RETSAT: variants seen among roughly 807,000 people sequenced by gnomAD.
RETSAT encodes retinol saturase, also known as all-trans-retinol 13,14-reductase.
Under a neutral mutation model 61.6 loss-of-function variants are expected in RETSAT, and 35 were observed. The ratio of observed to expected loss-of-function variants is 0.57; its 90% confidence interval spans 0.43 to 0.75. The LOEUF is 0.75. RETSAT is among the 30% of genes least tolerant of loss of function. The probability of loss-of-function intolerance (pLI) is 0.00; values close to 1 mark genes in which losing one functional copy is unlikely to be tolerated. For synonymous variants in RETSAT, 277 were observed against 310.4 expected (o/e 0.89, Z 1.13); for missense variants, 670 against 759.5 (o/e 0.88, Z 1.38).
intron 5 of RETSAT, among the ~76,000 whole-genome samples, chr2:85,348,630 CAAAAAAAAA>C (rs11400450): frequency 0.11 from 4,830 of 43,968 alleles, 248 homozygotes; most frequent in African/African-American, 0.25. Context: ...GACTCCAACT[CAAAAAAAAA>C]AAAAAAAAAA....
chr2:85,346,511 T>A (rs1683205677), intron 5 of RETSAT, among the ~76,000 whole-genome samples: 1 of 152,136 alleles, frequency 6.6e-6, no homozygotes, highest in South Asian at 2.1e-4. Flanking sequence ...CCCAGCGCTT[T>A]GGGAGTCTGA....
chr2:85,343,244 A>C lies in RETSAT; in HGVS notation c.1831T>G (p.Ter611GluextTer22), dbSNP rs1683117757. The C allele has an allele frequency of 6.2e-7, 1 of 1,613,918 alleles. No individual in the cohort carries two copies. The highest frequency in any genetic ancestry group is 1.3e-5 in the African/African-American group (1 of 74,952). The change falls in exon 11 of 11, where the codon TAG becomes GAG. Residue 611 changes from the stop codon to glutamate (E), a stop_lost. Coordinates refer to ENST00000295802, the MANE Select transcript of RETSAT (RefSeq NM_017750.4). ...SRIRAQKKKN[*>E] ...CCTCTGACTCCTCCCTGATGGAACT[A>C]ATTCTTTTTCTTCTGTGCCCGGATC...
intron 5 of RETSAT, among the ~76,000 whole-genome samples, chr2:85,347,136 G>A (rs1683215027): frequency 6.6e-6 from 1 of 151,926 alleles, no homozygotes; most frequent in African/African-American, 2.4e-5. Context: ...TTATTACTCA[G>A]CTCCAACACC....
intron 4 of RETSAT, 110 bp from the exon 5 acceptor site, chr2:85,349,691 C>T (rs1274864454): frequency 1.0e-6 from 1 of 954,218 alleles, no homozygotes; most frequent in Non-Finnish European, 1.6e-6. Context: ...TCCGAGGAAC[C>T]ACATGTTCCT....
chr2:85,351,550 G>T, intron 2 of RETSAT, 130 bp downstream of exon 2: 1 of 954,456 alleles, frequency 1.0e-6, no homozygotes, highest in Non-Finnish European at 1.6e-6. Flanking sequence ...AACAAACAAA[G>T]AAAAAAAGTA....
chr2:85,342,574 A>G lies in RETSAT; in HGVS notation c.*668T>C, dbSNP rs953742747. ...TAAGGAAGACAGACCCGGGACTTCC[A>G]TATGAATTGGATATGATCATCTGAC... On this transcript the variant is annotated 3_prime_UTR_variant, in exon 11 of 11. Transcript: ENST00000295802. The G allele has an allele frequency of 2.0e-5, 3 of 152,540 alleles. No homozygotes were observed. Among genetic ancestry groups the G allele is most frequent in the Non-Finnish European group, 4.4e-5 (3 of 68,306 alleles). The allele number at this position is 152,540 out of a possible 1,614,324, so 9.4% of individuals were successfully genotyped here.
At chr2:85,343,888 G>A (rs1683136236) in intron 9 of RETSAT, 90 bp from the exon 10 acceptor site, 1 of 1,578,908 alleles carries the variant, frequency 6.3e-7, no homozygotes, top group South Asian at 1.1e-5. Context: ...AGGGATGGGT[G>A]CCCTGTCCTT....
At chr2:85,350,718 A>G in intron 3 of RETSAT, 62 bp downstream of exon 3, 2 of 1,601,396 alleles carry the variant, frequency 1.2e-6, no homozygotes, top group Non-Finnish European at 1.7e-6. Flanking sequence ...TGCCTCCACT[A>G]ATAATAAAGA....
At chr2:85,350,390 C>T in intron 3 of RETSAT, 149 bp from the exon 4 acceptor site, 1 of 662,170 alleles carries the variant, frequency 1.5e-6, no homozygotes, top group South Asian at 1.9e-5. Context: ...AAAATCTATA[C>T]TCTGTGAATT....
rs780139729 is a variant in RETSAT at position 85,345,919 on chromosome 2, CAGA to C, written c.1117+53_1117+55del. 14 of 1,613,124 alleles carry C rather than the reference CAGA, an allele frequency of 8.7e-6. 1 individual carries two copies. The South Asian group carries it at 1.4e-4, about 16-fold the overall frequency. On this transcript the variant is annotated intron_variant, in intron 6 of 10. Transcript: ENST00000295802. Reference sequence around the variant, plus strand: ...TGACCCACACGGAGCAGGTTGGCTCCAGAAGGGGACACATTGGGGAACCTGCAA... The same window carrying C: ...TGACCCACACGGAGCAGGTTGGCTCCAGGGGACACATTGGGGAACCTGCAA...
chr2:85,349,439 G>A lies in RETSAT; in HGVS notation c.942C>T (p.Val314=). 6.2e-7 allele frequency: 1 copy of A among 1,614,200 alleles called. No individual in the cohort carries two copies. The highest frequency in any genetic ancestry group is 8.5e-7 in the Non-Finnish European group (1 of 1,180,040). ...IPVIQRAGGA[V]LTKATVQSVL... ...CACTCTGCACAGTGGCCTTTGTGAG[G>A]ACAGCGCCCCCAGCCCGCTGAATCA... The change falls in exon 5 of 11, where the codon GTC becomes GTT. Residue 314 remains valine (V), a synonymous_variant. Coordinates refer to ENST00000295802, the MANE Select transcript of RETSAT (RefSeq NM_017750.4).
At chr2:85,347,680 A>G (rs1683225108) in intron 5 of RETSAT, among the ~76,000 whole-genome samples, 1 of 152,162 alleles carries the variant, frequency 6.6e-6, no homozygotes, top group Admixed American at 6.5e-5. Context: ...TTTTATCTCT[A>G]TCTTTTATTA....
intron 1 of RETSAT, among the ~76,000 whole-genome samples, chr2:85,353,833 G>A (rs1402385766): frequency 6.6e-6 from 1 of 152,200 alleles, no homozygotes; most frequent in Non-Finnish European, 1.5e-5. Flanking sequence ...AGCCTGAGGC[G>A]CCTTGTTGAA....
chr2:85,348,046 G>C (rs1172451654), intron 5 of RETSAT, among the ~76,000 whole-genome samples: 1 of 152,134 alleles, frequency 6.6e-6, no homozygotes, highest in Non-Finnish European at 1.5e-5. Context: ...ATTAGTCATA[G>C]ATGGCCTATT....
chr2:85,350,907 A>G lies in RETSAT; in HGVS notation c.470T>C (p.Val157Ala), dbSNP rs747886586. 1 of 1,614,160 alleles carries G rather than the reference A, an allele frequency of 6.2e-7. No homozygotes were observed. The highest frequency in any genetic ancestry group is 8.5e-7 in the Non-Finnish European group (1 of 1,180,024). The change falls in exon 3 of 11, where the codon GTA (valine) becomes GCA (alanine). Residue 157 changes from valine (V) to alanine (A), a missense_variant. Physicochemically the swap from Val to Ala is moderately conservative, Grantham distance 64. Transcript: ENST00000295802. ...APLSSPFDIMVLEGPNGRKEY... is the reference protein window; with the variant it reads ...APLSSPFDIMALEGPNGRKEY... ...CTTTCGGCCATTGGGCCCTTCCAGT[A>G]CCATGATGTCAAAAGGAGAGGACAG...
At chr2:85,343,614 T>C in intron 10 of RETSAT, 25 bp downstream of exon 10, 1 of 1,613,548 alleles carries the variant, frequency 6.2e-7, no homozygotes, top group African/African-American at 1.3e-5. Flanking sequence ...TCTCAGGTCC[T>C]GACAACATGG....
intron 8 of RETSAT, 35 bp from the exon 9 acceptor site, chr2:85,344,200 C>T (rs773718088): frequency 1.9e-6 from 3 of 1,614,018 alleles, no homozygotes; most frequent in Non-Finnish European, 2.5e-6. Context: ...ACTGCCCGGC[C>T]TCTCCCTCCA....
Position 85,349,591 on chromosome 2 carries a change from C to T in RETSAT, c.800-10G>A. The T allele has an allele frequency of 6.2e-7, 1 of 1,613,488 alleles. No homozygotes were observed. The highest frequency in any genetic ancestry group is 8.5e-7 in the Non-Finnish European group (1 of 1,179,550). The stretch of plus-strand genomic sequence containing the variant: ...TGGTTGGGGGTGACACCTGCAGAAG[C>T]AAGGAAGGGTGGTGAGCTGGCAAGA... On this transcript the variant is annotated splice_polypyrimidine_tract_variant and intron_variant, in intron 4 of 10. Coordinates refer to ENST00000295802, the MANE Select transcript of RETSAT (RefSeq NM_017750.4).
At chr2:85,352,314 G>T (rs1017543278) in intron 1 of RETSAT, among the ~76,000 whole-genome samples, 1 of 152,092 alleles carries the variant, frequency 6.6e-6, no homozygotes, top group African/African-American at 2.4e-5. Flanking sequence ...CGCAATCTCC[G>T]CTTACTGCAA....
Sources: gnomAD v4.1 joint callset for allele counts (sites outside exome capture counted in the v4.1 genomes callset) on GRCh38, gnomAD v4.1.1 for gene constraint, MANE v1.5 for transcripts, NCBI Gene and HGNC (gene_info 2026-07-23, HGNC 2026-07-21) for gene names.